Variants in SYNPR observed in about 807,000 individuals in gnomAD.
The protein encoded by SYNPR is synaptoporin.
SYNPR carries 23 observed loss-of-function variants against 32.9 expected under a neutral mutation model. That is an observed-to-expected ratio of 0.70 (90% confidence interval 0.50 to 0.99). SYNPR has a LOEUF of 0.99. Among genes scored for constraint, SYNPR ranks in the 50% least tolerant of loss-of-function variants. The pLI, the probability that SYNPR is intolerant of heterozygous loss-of-function variation, is 0.00. For synonymous variants in SYNPR, 146 were observed against 135.9 expected, an observed-to-expected ratio of 1.07 and a Z score of -0.52; for missense variants, 318 against 349.3, an observed-to-expected ratio of 0.91 and a Z score of 0.71.
At position 63,513,942 on chromosome 3, in the gene SYNPR, G is replaced by C. The variant is rs954581764; in HGVS notation, c.209+32986G>C. Among the ~76,000 whole-genome samples, 4 of 152,200 alleles carry C rather than the reference G, an allele frequency of 2.6e-5. No homozygotes were observed. The East Asian group carries it at 7.7e-4, about 29-fold the overall frequency. On this transcript the variant is annotated intron_variant, in intron 3 of 5. Coordinates refer to ENST00000478300, the MANE Select transcript of SYNPR (RefSeq NM_001130003.2). ...TTTATATTTAATTCATAAACCTTCTGGAAGTGCCCATAATTTGCCTGGCAT... is the reference window on the plus strand; with the variant it reads ...TTTATATTTAATTCATAAACCTTCTCGAAGTGCCCATAATTTGCCTGGCAT...
chr3:63,328,714 G>A (rs1298182073), intron 2 of SYNPR, among the ~76,000 whole-genome samples: 1 of 152,088 alleles, frequency 6.6e-6, no homozygotes, highest in Non-Finnish European at 1.5e-5. Context: ...AGAGGAACCT[G>A]GGGGCCACAG....
At chr3:63,317,913 A>G (rs934497511) in intron 2 of SYNPR, among the ~76,000 whole-genome samples, 1 of 152,040 alleles carries the variant, frequency 6.6e-6, no homozygotes, top group East Asian at 1.9e-4. Flanking sequence ...TTCAAGATTT[A>G]GAGCTCCTTT....
At chr3:63,602,502 C>A (rs1382890839) in intron 4 of SYNPR, among the ~76,000 whole-genome samples, 1 of 152,106 alleles carries the variant, frequency 6.6e-6, no homozygotes, top group African/African-American at 2.4e-5. Context: ...AGTCTTTAAT[C>A]CATCTTGAGT....
chr3:63,318,794 T>C (rs2087073427), intron 2 of SYNPR, among the ~76,000 whole-genome samples: 1 of 152,054 alleles, frequency 6.6e-6, no homozygotes, highest in Non-Finnish European at 1.5e-5. Context: ...GATCCATTGC[T>C]GGTGAACTAG....
intron 2 of SYNPR, among the ~76,000 whole-genome samples, chr3:63,279,564 T>G (rs1006142761): frequency 6.6e-6 from 1 of 152,218 alleles, no homozygotes; most frequent in Non-Finnish European, 1.5e-5. Flanking sequence ...GTTGGCTGGA[T>G]GATGGTTATT....
At chr3:63,509,248 TACAC>T (rs923607384) in intron 3 of SYNPR, among the ~76,000 whole-genome samples, 2 of 141,724 alleles carry the variant, frequency 1.4e-5, no homozygotes, top group East Asian at 2.0e-4. Context: ...TACACACACA[TACAC>T]ACACAATTAA....
intron 4 of SYNPR, among the ~76,000 whole-genome samples, chr3:63,606,425 T>C (rs1160153783): frequency 7.5e-6 from 1 of 133,834 alleles, no homozygotes; most frequent in African/African-American, 2.8e-5. Context: ...TTCTTTTTTT[T>C]TTTTTTTTTT....
At chr3:63,220,908 G>C in the SYNPR span, among the ~76,000 whole-genome samples, 7 of 152,096 alleles carry the variant, frequency 4.6e-5, no homozygotes, top group South Asian at 2.1e-4. Context: ...GGTCTTTTCT[G>C]TTAACTTAGT....
At chr3:63,520,534 G>A (rs1337190696) in intron 3 of SYNPR, among the ~76,000 whole-genome samples, 12 of 152,122 alleles carry the variant, frequency 7.9e-5, no homozygotes, top group South Asian at 2.1e-4. Context: ...TTAGCCAGGC[G>A]TGATGGCACG....
At chr3:63,331,803 C>T (rs745539614) in intron 2 of SYNPR, among the ~76,000 whole-genome samples, 2 of 152,114 alleles carry the variant, frequency 1.3e-5, no homozygotes, top group Non-Finnish European at 2.9e-5. Context: ...AGAATTGGAC[C>T]GTGGACCTCA....
chr3:63,530,405 T>A (rs765099320), intron 3 of SYNPR, among the ~76,000 whole-genome samples: 1 of 152,090 alleles, frequency 6.6e-6, no homozygotes, highest in African/African-American at 2.4e-5. Flanking sequence ...GTAGGAGCAC[T>A]CCCTAAAGTC....
At chr3:63,419,845 A>G (rs754159685) in intron 2 of SYNPR, among the ~76,000 whole-genome samples, 1 of 152,246 alleles carries the variant, frequency 6.6e-6, no homozygotes, top group Non-Finnish European at 1.5e-5. Context: ...ATATCATTTT[A>G]GACATCAGCT....
chr3:63,230,504 A>C (rs2086158822), intron 1 of SYNPR, among the ~76,000 whole-genome samples: 2 of 152,214 alleles, frequency 1.3e-5, no homozygotes, highest in African/African-American at 4.8e-5. Context: ...ATAGATGCAT[A>C]TTATGTGACT....
intron 4 of SYNPR, among the ~76,000 whole-genome samples, chr3:63,581,761 G>A (rs1332753865): frequency 6.6e-6 from 1 of 151,766 alleles, no homozygotes; most frequent in Non-Finnish European, 1.5e-5. Flanking sequence ...GTTTATTAAA[G>A]TTTACTTTGA....
At chr3:63,587,178 C>T (rs1015653798) in intron 4 of SYNPR, among the ~76,000 whole-genome samples, 11 of 151,992 alleles carry the variant, frequency 7.2e-5, no homozygotes, top group Non-Finnish European at 1.0e-4. Flanking sequence ...TGTCATTGGC[C>T]GTGACTAAAT....
rs536396255 is a variant in SYNPR, at chr3:63,357,489, C to G, written c.84+78747C>G. ...ACATTTTTATGTAGCTTTTATCCAT[C>G]AGGTCTTTTGGACAACTAGATAAAG... On this transcript the variant is annotated intron_variant, in intron 2 of 5. Coordinates refer to ENST00000478300, the MANE Select transcript of SYNPR (RefSeq NM_001130003.2). 2.6e-5 allele frequency among the ~76,000 whole-genome samples: 4 copies of G among 152,218 alleles called. No homozygotes were observed. In the South Asian group the frequency reaches 8.3e-4, roughly 32 times the overall value.
At chr3:63,322,653 A>G (rs2087123047) in intron 2 of SYNPR, among the ~76,000 whole-genome samples, 1 of 152,056 alleles carries the variant, frequency 6.6e-6, no homozygotes, top group Non-Finnish European at 1.5e-5. Flanking sequence ...CATTCTACAA[A>G]CAAAAAACTA....
intron 3 of SYNPR, among the ~76,000 whole-genome samples, chr3:63,513,502 A>C (rs1288916248): frequency 6.6e-6 from 1 of 152,228 alleles, no homozygotes; most frequent in African/African-American, 2.4e-5. Flanking sequence ...GATGAACCAA[A>C]TGTATTTAGC....
intron 3 of SYNPR, among the ~76,000 whole-genome samples, chr3:63,272,950 T>G (rs756165279): frequency 6.6e-6 from 1 of 152,148 alleles, no homozygotes; most frequent in African/African-American, 2.4e-5. Context: ...TTGTGCTTCA[T>G]GAATCTGCAA....
Sources: gnomAD v4.1 joint callset for allele counts (sites outside exome capture counted in the v4.1 genomes callset) on GRCh38, gnomAD v4.1.1 for gene constraint, MANE v1.5 for transcripts, NCBI Gene and HGNC (gene_info 2026-07-23, HGNC 2026-07-21) for gene names.